Variants in DMD observed in about 807,000 individuals in gnomAD.
DMD encodes dystrophin.
DMD carries 63 observed loss-of-function variants against 330.1 expected under a neutral mutation model. The ratio of observed to expected loss-of-function variants is 0.19; its 90% CI spans 0.16 to 0.24. DMD has a LOEUF of 0.24. Among genes scored for constraint, DMD ranks in the 10% least tolerant of loss-of-function variants. The probability of loss-of-function intolerance (pLI) is 1.00; values close to 1 mark genes in which losing one functional copy is unlikely to be tolerated. For missense variants in DMD, 3,344 were observed against 2,684.1 expected (o/e 1.25, Z -5.43); for synonymous variants, 1,223 against 959.8 (o/e 1.27, Z -5.07).
intron 21 of DMD, among the ~76,000 whole-genome samples, 179 bp downstream of exon 21, chrX:32,484,740 C>T (rs1037675498): frequency 8.9e-6 from 1 of 111,788 alleles, no homozygotes; most frequent in Non-Finnish European, 1.9e-5. Context: ...ATTATGAGGA[C>T]AAAAAAATCT....
intron 44 of DMD, among the ~76,000 whole-genome samples, chrX:32,161,142 T>C (rs1603627410): frequency 8.9e-6 from 1 of 111,835 alleles, no homozygotes; most frequent in African/African-American, 3.3e-5. Context: ...TTAGCGATTC[T>C]GGGTTACTCG....
At chrX:31,195,597 G>C (rs1645982267) in intron 67 of DMD, among the ~76,000 whole-genome samples, 1 of 110,425 alleles carries the variant, frequency 9.1e-6, no homozygotes, top group African/African-American at 3.3e-5. Context: ...TCAGGAAAAG[G>C]CAAAATTACA....
chrX:31,933,414 G>C (rs1281993148), intron 45 of DMD, among the ~76,000 whole-genome samples: 1 of 112,348 alleles, frequency 8.9e-6, no homozygotes, highest in African/African-American at 3.2e-5. Context: ...TTATGAAAAT[G>C]CATATAACTC....
At chrX:32,410,728 T>C (rs778602360) in intron 30 of DMD, among the ~76,000 whole-genome samples, 3 of 111,854 alleles carry the variant, frequency 2.7e-5, no homozygotes, top group African/African-American at 6.5e-5. Flanking sequence ...GACTTTTGAA[T>C]AAATAATACC....
intron 7 of DMD, among the ~76,000 whole-genome samples, chrX:32,735,419 A>C (rs1231092461): frequency 9.0e-6 from 1 of 110,966 alleles, no homozygotes; most frequent in Non-Finnish European, 1.9e-5. Flanking sequence ...AAACTACTTT[A>C]AAGTTGATAT....
At chrX:31,168,073 G>T (rs895370205) in intron 74 of DMD, among the ~76,000 whole-genome samples, 7 of 112,019 alleles carry the variant, frequency 6.2e-5, no homozygotes, top group Non-Finnish European at 5.6e-5. Context: ...ATGGAGGATA[G>T]GTGGGATTCC....
At chrX:31,131,415 G>A (rs1052820940) in intron 77 of DMD, among the ~76,000 whole-genome samples, 2 of 111,623 alleles carry the variant, frequency 1.8e-5, no homozygotes, top group African/African-American at 3.3e-5. Flanking sequence ...ATGTGTGTGT[G>A]TACATATGGT....
At chrX:31,483,256 C>A (rs758396085) in intron 57 of DMD, among the ~76,000 whole-genome samples, 16 of 108,823 alleles carry the variant, frequency 1.5e-4, no homozygotes, top group Non-Finnish European at 2.7e-4. Context: ...CCGTGTTAGC[C>A]AGGATGGTCT....
intron 43 of DMD, among the ~76,000 whole-genome samples, chrX:32,240,819 T>C (rs150668141): frequency 0.098 from 10,876 of 111,329 alleles, 542 homozygotes; most frequent in Admixed American, 0.15. Flanking sequence ...TCACGTCTGC[T>C]GGGATGAGAG....
chrX:32,763,499 G>C (rs1332460428), intron 7 of DMD, among the ~76,000 whole-genome samples: 2 of 111,570 alleles, frequency 1.8e-5, no homozygotes, highest in African/African-American at 6.5e-5. Flanking sequence ...GATGAATTTT[G>C]GCACTTGTCA....
In DMD at chrX:31,364,745, C is replaced by T. The variant is rs190651851; in HGVS notation, c.9085-16111G>A. On this transcript the variant is annotated intron_variant, in intron 60 of 78. Coordinates refer to ENST00000357033, the MANE Select transcript of DMD (RefSeq NM_004006.3). ...ACCCATTATTATAGAATGATTTTAC[C>T]AACTGCGGCATTAATTCTCCAAAGA... 2.0e-3 allele frequency among the ~76,000 whole-genome samples: 218 copies of T among 110,886 alleles called. 1 individual carries two copies. Among genetic ancestry groups the T allele is most frequent in the African/African-American group, 6.8e-3 (206 of 30,460 alleles).
At chrX:31,238,485 C>T (rs1038774772) in intron 63 of DMD, among the ~76,000 whole-genome samples, 12 of 111,845 alleles carry the variant, frequency 1.1e-4, no homozygotes, top group African/African-American at 2.9e-4. Context: ...AGTGACAGGC[C>T]GATGGCAGAA....
chrX:31,545,674 G>C (rs1352775967), intron 55 of DMD, among the ~76,000 whole-genome samples: 1 of 111,757 alleles, frequency 8.9e-6, no homozygotes, highest in African/African-American at 3.3e-5. Context: ...TGACTGCTCT[G>C]GACTTTACCA....
At chrX:31,441,888 A>G in intron 60 of DMD, among the ~76,000 whole-genome samples, 1 of 112,208 alleles carries the variant, frequency 8.9e-6, no homozygotes, top group East Asian at 2.8e-4. Context: ...AAAGAATGGA[A>G]CTAACTTGAC....
rs1465916247 is a variant in DMD, at chrX:32,898,740, T to G, written c.94-48920A>C. ...TGCAATGAGGGCTGCTGGGGATCAC[T>G]TTTGTTGCCATCTGCTGGTTTCTGC... is the stretch of plus-strand genomic sequence containing the variant. On this transcript the variant is annotated intron_variant, in intron 2 of 78. Coordinates refer to ENST00000357033, the MANE Select transcript of DMD (RefSeq NM_004006.3). 3.1e-4 allele frequency among the ~76,000 whole-genome samples: 34 copies of G among 111,293 alleles called. No individual in the cohort carries two copies. The Admixed American group carries it at 3.3e-3, about 11-fold the overall frequency.
At chrX:31,379,854 G>C (rs887760062) in intron 60 of DMD, among the ~76,000 whole-genome samples, 2 of 111,718 alleles carry the variant, frequency 1.8e-5, no homozygotes, top group African/African-American at 6.5e-5. Flanking sequence ...CCCATCTGTG[G>C]AGGACCCCAC....
chrX:32,434,982 C>A (rs1230988089), intron 29 of DMD, among the ~76,000 whole-genome samples: 3 of 106,726 alleles, frequency 2.8e-5, no homozygotes, highest in Non-Finnish European at 5.8e-5. Context: ...ATAAACACAG[C>A]TAGGACTGAT....
intron 2 of DMD, among the ~76,000 whole-genome samples, chrX:32,938,993 T>C (rs1485997334): frequency 9.0e-6 from 1 of 110,659 alleles, no homozygotes; most frequent in Non-Finnish European, 1.9e-5. Context: ...AAAGTCATCA[T>C]GTGCCTAGCA....
At chrX:31,404,979 T>C (rs2061346995) in intron 60 of DMD, among the ~76,000 whole-genome samples, 1 of 111,645 alleles carries the variant, frequency 9.0e-6, no homozygotes, top group Non-Finnish European at 1.9e-5. Flanking sequence ...TTTTCAATAG[T>C]AAGGAAAATG....
Sources: gnomAD v4.1 joint callset for allele counts (sites outside exome capture counted in the v4.1 genomes callset) on GRCh38, gnomAD v4.1.1 for gene constraint, MANE v1.5 for transcripts, NCBI Gene and HGNC (gene_info 2026-07-23, HGNC 2026-07-21) for gene names.